Variants in PDE2A observed in about 807,000 individuals in gnomAD.
PDE2A encodes cGMP-dependent 3',5'-cyclic phosphodiesterase.
PDE2A carries 53 observed loss-of-function variants against 133.6 expected under a neutral mutation model. That is an observed-to-expected ratio of 0.40 (90% CI 0.32 to 0.50). The LOEUF is 0.50. Ranked by LOEUF, PDE2A falls within the 20% of genes least tolerant of loss-of-function variation. The probability of loss-of-function intolerance (pLI) is 0.73; values close to 1 mark genes in which losing one functional copy is unlikely to be tolerated. For missense variants in PDE2A, 796 were observed against 1,232.4 expected (o/e 0.65, Z 5.30); for synonymous variants, 491 against 490.2 (o/e 1.00, Z -0.02).
At chr11:72,635,964 T>C in intron 2 of PDE2A, 1 of 1,206,676 alleles carries the variant, frequency 8.3e-7, no homozygotes, top group Non-Finnish European at 1.1e-6. Flanking sequence ...CACCACGAGA[T>C]CTCAGCCCCT....
chr11:72,580,594 C>A lies in PDE2A; in HGVS notation c.2164G>T (p.Glu722Ter). The A allele has an allele frequency of 6.4e-7, 1 of 1,569,448 alleles. No homozygotes were observed. The change falls in exon 25 of 31, where the codon GAG (glutamate) becomes TAG (stop). Residue 722 changes from glutamate (E) to a stop codon, truncating the protein, a stop_gained. Coordinates refer to ENST00000334456, the MANE Select transcript of PDE2A (RefSeq NM_002599.5). LOFTEE classifies it high-confidence loss of function. Reference sequence around the variant, plus strand: ...AGTGATACCTCCATGACGGAGCCCTCAGAGCTGTAGAGCGCAGCCAGCACA... The same window carrying A: ...AGTGATACCTCCATGACGGAGCCCTAAGAGCTGTAGAGCGCAGCCAGCACA... ...KSVLAALYSS[E>*]GSVMERHHFA...
At chr11:72,610,841 C>T (rs1054772196) in intron 2 of PDE2A, among the ~76,000 whole-genome samples, 1 of 152,218 alleles carries the variant, frequency 6.6e-6, no homozygotes, top group Admixed American at 6.5e-5. Context: ...CACACACACA[C>T]GTTCTCACTG....
intron 2 of PDE2A, among the ~76,000 whole-genome samples, chr11:72,610,030 C>G (rs1167040183): frequency 1.3e-5 from 2 of 152,026 alleles, no homozygotes. Flanking sequence ...CATTGTGTCC[C>G]AGGGGCTGAC....
rs1214828200 is a variant in PDE2A, at chr11:72,650,060, G to A, written c.72-7734C>T. Among the ~76,000 whole-genome samples, 11 of 144,302 alleles carry A rather than the reference G, an allele frequency of 7.6e-5. No homozygotes were observed. In the East Asian group the frequency reaches 1.0e-3, roughly 13 times the overall value. 94.7% of individuals were successfully genotyped at this position (144,302 alleles called of 152,430 possible). On this transcript the variant is annotated intron_variant, in intron 1 of 30. Coordinates refer to ENST00000334456, the MANE Select transcript of PDE2A (RefSeq NM_002599.5). ...TTTTTAGATGGAGTCTTGCTCTGTC[G>A]CCCAGGGCTGGAGTGCAGTGGTACA...
intron 2 of PDE2A, among the ~76,000 whole-genome samples, chr11:72,627,163 A>C (rs1858118318): frequency 6.6e-6 from 1 of 152,230 alleles, no homozygotes; most frequent in South Asian, 2.1e-4. Context: ...TCATTCAAGA[A>C]GTATTTATTG....
chr11:72,620,075 C>T (rs1857682584), intron 2 of PDE2A, among the ~76,000 whole-genome samples: 1 of 152,144 alleles, frequency 6.6e-6, no homozygotes, highest in South Asian at 2.1e-4. Context: ...ACCACCCCAC[C>T]TCTGCTGGAG....
intron 2 of PDE2A, among the ~76,000 whole-genome samples, chr11:72,609,201 T>C (rs1857099752): frequency 6.6e-6 from 1 of 152,264 alleles, no homozygotes; most frequent in African/African-American, 2.4e-5. Flanking sequence ...GTCTCCTATC[T>C]GTAAGTTGGA....
At chr11:72,584,169 A>AAAAAC in intron 19 of PDE2A, 32 bp downstream of exon 19, 2 of 877,938 alleles carry the variant, frequency 2.3e-6, no homozygotes, top group Non-Finnish European at 3.5e-6. Flanking sequence ...GCCCCCTATC[A>AAAAAC]CCCCACACCC....
rs1405834971 is a variant in PDE2A, at chr11:72,576,800, G to C, written c.*584C>G. 2 of 169,560 alleles carry C rather than the reference G, an allele frequency of 1.2e-5. No homozygotes were observed. The highest frequency in any genetic ancestry group is 2.9e-5 in the Non-Finnish European group (2 of 68,566). The allele number at this position is 169,560 out of a possible 1,614,324, so 10.5% of individuals were successfully genotyped here. On this transcript the variant is annotated 3_prime_UTR_variant, in exon 31 of 31. Coordinates refer to ENST00000334456, the MANE Select transcript of PDE2A (RefSeq NM_002599.5). Reference sequence around the variant, plus strand: ...GCCCCTCTCTGCAGAGCACTGAGCTGCCCCTCTGGCAGCTTCTTCCTGGGG... The same window carrying C: ...GCCCCTCTCTGCAGAGCACTGAGCTCCCCCTCTGGCAGCTTCTTCCTGGGG...
At chr11:72,626,492 A>G (rs1310904447) in intron 2 of PDE2A, among the ~76,000 whole-genome samples, 1 of 152,224 alleles carries the variant, frequency 6.6e-6, no homozygotes, top group Non-Finnish European at 1.5e-5. Flanking sequence ...AGGAGGAAGT[A>G]GCACATCTGG....
At chr11:72,642,110 C>G (rs1195134930) in intron 2 of PDE2A, 144 bp downstream of exon 2, 2 of 1,212,362 alleles carry the variant, frequency 1.6e-6, no homozygotes, top group East Asian at 3.2e-5. Flanking sequence ...GGCTCTTGGT[C>G]TGCGCTGCCG....
chr11:72,580,809 C>A lies in PDE2A; in HGVS notation c.2133+77G>T, dbSNP rs1437229129. On this transcript the variant is annotated intron_variant, in intron 24 of 30. Transcript: ENST00000334456. ...GCTCCTGGTCTCACTCGCTCCCACC[C>A]ATCTTCAGGCTGGGAGAGGATGAGA... The A allele has an allele frequency of 3.8e-6, 4 of 1,040,014 alleles. No individual in the cohort carries two copies. The African/African-American group carries it at 4.7e-5, about 12-fold the overall frequency. The allele number at this position is 1,040,014 out of a possible 1,614,324, so 64.4% of individuals were successfully genotyped here. A position where few individuals can be genotyped will look rare whatever the true frequency, so the allele number is the denominator to read the frequency against.
chr11:72,595,520 T>TC (rs1160327486), intron 6 of PDE2A, among the ~76,000 whole-genome samples: 1 of 141,314 alleles, frequency 7.1e-6, no homozygotes, highest in Non-Finnish European at 1.5e-5. Flanking sequence ...CCTCCTCCCC[T>TC]CCCCCCTCTC....
At chr11:72,631,596 G>A (rs1348698634) in intron 2 of PDE2A, among the ~76,000 whole-genome samples, 1 of 152,144 alleles carries the variant, frequency 6.6e-6, no homozygotes, top group Non-Finnish European at 1.5e-5. Context: ...TCCAACCTGG[G>A]TGCTGTGAGT....
chr11:72,666,247 T>A (rs1252074939), intron 1 of PDE2A, among the ~76,000 whole-genome samples: 1 of 152,208 alleles, frequency 6.6e-6, no homozygotes, highest in Non-Finnish European at 1.5e-5. Flanking sequence ...CTCCCCTCTC[T>A]GCTGCAAGCC....
chr11:72,581,687 T>A (rs1855731155), intron 22 of PDE2A, among the ~76,000 whole-genome samples, 190 bp downstream of exon 22: 1 of 152,192 alleles, frequency 6.6e-6, no homozygotes, highest in Non-Finnish European at 1.5e-5. Flanking sequence ...TTGCCTTGCC[T>A]CATTTCTTGC....
intron 4 of PDE2A, chr11:72,599,043 C>T (rs1203718042): frequency 3.0e-6 from 3 of 985,212 alleles, no homozygotes; most frequent in African/African-American, 1.7e-5. Context: ...AGGGGGTGAC[C>T]CCTGGCCAAA....
chr11:72,589,127 C>T, intron 12 of PDE2A, 48 bp downstream of exon 12: 2 of 1,514,834 alleles, frequency 1.3e-6, no homozygotes, highest in Non-Finnish European at 1.8e-6. Flanking sequence ...TAGGGGCTGG[C>T]AGTGGGGTCT....
intron 2 of PDE2A, 36 bp downstream of exon 2, chr11:72,642,218 C>G: frequency 1.4e-6 from 2 of 1,445,162 alleles, no homozygotes; most frequent in South Asian, 3.0e-5. Flanking sequence ...GCCGGACACC[C>G]CGTTCTCCTG....
Sources: allele counts gnomAD v4.1 joint callset (sites outside exome capture counted in the v4.1 genomes callset), GRCh38; gene constraint gnomAD v4.1.1; transcripts MANE v1.5; gene names NCBI Gene and HGNC (gene_info 2026-07-23, HGNC 2026-07-21).